The following LYRM4 variants were observed in gnomAD, a reference collection of about 807,000 sequenced individuals.
LYRM4 encodes the protein LYR motif-containing protein 4.
LYRM4 carries 9 observed loss-of-function variants against 11.7 expected under a neutral mutation model. The observed-to-expected ratio is 0.77, with a 90% CI of 0.46 to 1.34. The LOEUF (loss-of-function observed/expected upper bound fraction) is 1.34, where lower values mean the gene tolerates loss of function less well. Among genes scored for constraint, LYRM4 ranks in the 40% most tolerant of loss-of-function variants. The pLI is 0.00. For synonymous variants in LYRM4, 42 were observed against 40.4 expected (o/e 1.04, Z -0.15); for missense variants, 133 against 112.5 (o/e 1.18, Z -0.82).
rs375491632 is a variant in LYRM4 at position 5,234,048 on chromosome 6, TCAC to T, written c.87-17313_87-17311del. ...ATCATTTCATTTGGTTTAAAACGGG[TCAC>T]CACAATTGGCTTTAATTTCAAGTCA... On this transcript the variant is annotated intron_variant, in intron 1 of 2. Transcript: ENST00000330636. 2.8e-3 allele frequency among the ~76,000 whole-genome samples: 425 copies of T among 152,306 alleles called. 3 individuals are homozygous for T. The highest frequency in any genetic ancestry group is 9.2e-3 in the African/African-American group (381 of 41,580).
At chr6:5,100,165 C>T (rs1041439357), downstream of LYRM4, among the ~76,000 whole-genome samples, 1 of 152,128 alleles carries the variant, frequency 6.6e-6, no homozygotes, top group African/African-American at 2.4e-5. Context: ...CTCCATATTT[C>T]AATAAAACCC....
intron 2 of LYRM4, among the ~76,000 whole-genome samples, chr6:5,176,435 T>C (rs1759725984): frequency 6.6e-6 from 1 of 152,242 alleles, no homozygotes; most frequent in Non-Finnish European, 1.5e-5. Context: ...TAAGAAATTA[T>C]CTGAAATGGC....
chr6:5,227,956 G>T (rs1762990228), intron 1 of LYRM4, among the ~76,000 whole-genome samples: 1 of 152,246 alleles, frequency 6.6e-6, no homozygotes, highest in Non-Finnish European at 1.5e-5. Flanking sequence ...ACACAGGGAG[G>T]GGAACATCAC....
intron 1 of LYRM4, among the ~76,000 whole-genome samples, chr6:5,237,201 T>C (rs1763599902): frequency 6.6e-6 from 1 of 152,188 alleles, no homozygotes; most frequent in African/African-American, 2.4e-5. Context: ...CGAAGCTTCA[T>C]CTGTATTTAT....
chr6:5,208,565 C>T (rs142333341), intron 2 of LYRM4, among the ~76,000 whole-genome samples: 1 of 152,168 alleles, frequency 6.6e-6, no homozygotes, highest in Non-Finnish European at 1.5e-5. Context: ...ATATGAAAGA[C>T]GCATAGGGAC....
chr6:5,229,298 C>T (rs545387244), intron 1 of LYRM4, among the ~76,000 whole-genome samples: 21 of 152,178 alleles, frequency 1.4e-4, no homozygotes, highest in African/African-American at 4.6e-4. Flanking sequence ...CCAGAACTTG[C>T]CAAGCAAATG....
At chr6:5,089,620 T>C in the LYRM4 span, 1 of 152,238 alleles carries the variant, frequency 6.6e-6, no homozygotes, top group Non-Finnish European at 1.5e-5. Context: ...TTCAAAACTA[T>C]ATTTTAAAGT....
At chr6:5,160,639 C>T (rs959515625) in intron 2 of LYRM4, among the ~76,000 whole-genome samples, 1 of 108,616 alleles carries the variant, frequency 9.2e-6, no homozygotes, top group African/African-American at 3.9e-5. Context: ...TTGCCTTCTG[C>T]CATGATTATG....
At chr6:5,163,426 C>T (rs1033797826) in intron 2 of LYRM4, among the ~76,000 whole-genome samples, 2 of 151,986 alleles carry the variant, frequency 1.3e-5, no homozygotes, top group Non-Finnish European at 2.9e-5. Context: ...CCTAGCCTCG[C>T]ACCAACGCCA....
At chr6:5,037,009 ATTTTT>A in the LYRM4 span, among the ~76,000 whole-genome samples, 2 of 28,722 alleles carry the variant, frequency 7.0e-5, 1 homozygote, top group African/African-American at 2.6e-4. Flanking sequence ...TTTAGCTTGT[ATTTTT>A]TTTTTTTTTT....
At chr6:5,136,891 A>T (rs1197091219) in intron 2 of LYRM4, 2 of 937,192 alleles carry the variant, frequency 2.1e-6, no homozygotes, top group African/African-American at 3.6e-5. Context: ...TGTACAATTC[A>T]ATGGTTTTTA....
chr6:5,038,887 AGAGAGGGAGAGGGAGAGGGAGAGG>A, the LYRM4 span, among the ~76,000 whole-genome samples: 4 of 85,084 alleles, frequency 4.7e-5, 1 homozygote, highest in Non-Finnish European at 9.1e-5. Flanking sequence ...GTGGAGGGAG[AGAGAGGGAGAGGGAGAGGGAGAGG>A]GAGAGGGAGA....
chr6:5,201,988 C>T (rs1235744137), intron 2 of LYRM4, among the ~76,000 whole-genome samples: 1 of 152,118 alleles, frequency 6.6e-6, no homozygotes, highest in Non-Finnish European at 1.5e-5. Context: ...ATAAGGAGGC[C>T]CTGCAGGGTC....
intron 2 of LYRM4, among the ~76,000 whole-genome samples, chr6:5,180,298 C>A (rs1004822994): frequency 6.6e-6 from 1 of 152,220 alleles, no homozygotes; most frequent in Admixed American, 6.5e-5. Flanking sequence ...GATTGAACAT[C>A]TTCCTAAGCG....
intron 1 of LYRM4, among the ~76,000 whole-genome samples, chr6:5,241,682 G>A (rs975100005): frequency 1.3e-5 from 2 of 152,136 alleles, no homozygotes; most frequent in Non-Finnish European, 2.9e-5. Context: ...GTTCTATTTC[G>A]CTGATGAATC....
intron 2 of LYRM4, among the ~76,000 whole-genome samples, chr6:5,153,171 C>T (rs898869549): frequency 7.9e-5 from 12 of 152,084 alleles, no homozygotes; most frequent in Admixed American, 7.9e-4. Flanking sequence ...GATCTCAGCT[C>T]TGCCTCGCCT....
intron 2 of LYRM4, among the ~76,000 whole-genome samples, chr6:5,158,472 C>T (rs1010562068): frequency 4.6e-5 from 6 of 131,676 alleles, no homozygotes; most frequent in East Asian, 5.1e-4. Flanking sequence ...CTGGTCTCCA[C>T]GTTTTTTTTT....
chr6:5,227,093 AC>A (rs1762937232), intron 1 of LYRM4, among the ~76,000 whole-genome samples: 1 of 152,152 alleles, frequency 6.6e-6, no homozygotes, highest in South Asian at 2.1e-4. Flanking sequence ...ATATTTTTAG[AC>A]CGTTTATTTT....
chr6:5,177,118 G>A (rs894530096), intron 2 of LYRM4, among the ~76,000 whole-genome samples: 1 of 152,164 alleles, frequency 6.6e-6, no homozygotes, highest in African/African-American at 2.4e-5. Flanking sequence ...TTGCACCATC[G>A]ACAGCTGCCA....
Sources: gnomAD v4.1 joint callset for allele counts (sites outside exome capture counted in the v4.1 genomes callset) on GRCh38, gnomAD v4.1.1 for gene constraint, MANE v1.5 for transcripts, NCBI Gene and HGNC (gene_info 2026-07-23, HGNC 2026-07-21) for gene names.